SAMD3: variants seen among roughly 807,000 people sequenced by gnomAD.
SAMD3 encodes the protein sterile alpha motif domain-containing protein 3.
A neutral mutation model predicts 58.5 loss-of-function variants in SAMD3; 63 were observed. That is an observed-to-expected ratio of 1.08 (90% CI 0.88 to 1.33). SAMD3 has a LOEUF of 1.33. SAMD3 is among the 40% of genes most tolerant of loss of function. SAMD3 has a pLI of 0.00. For missense variants in SAMD3, 604 were observed against 608.4 expected, an observed-to-expected ratio of 0.99 and a Z score of 0.08; for synonymous variants, 220 against 210.3, an observed-to-expected ratio of 1.05 and a Z score of -0.40.
At chr6:130,325,206 G>T (rs1482689522) in intron 1 of SAMD3, among the ~76,000 whole-genome samples, 1 of 152,192 alleles carries the variant, frequency 6.6e-6, no homozygotes, top group Non-Finnish European at 1.5e-5. Flanking sequence ...AGATATGTAA[G>T]AAGGGATTTA....
chr6:130,214,291 G>A (rs1257547991), intron 4 of SAMD3, 46 bp downstream of exon 4: 1 of 1,455,210 alleles, frequency 6.9e-7, no homozygotes, highest in Non-Finnish European at 9.1e-7. Flanking sequence ...GCCATCATTG[G>A]GAAAGCTTGG....
intron 9 of SAMD3, among the ~76,000 whole-genome samples, chr6:130,148,847 A>G (rs1412196827): frequency 1.4e-4 from 3 of 20,820 alleles, no homozygotes; most frequent in Non-Finnish European, 3.8e-4. Context: ...CAGCCTGGAC[A>G]ACAGAGAGAC....
chr6:130,273,582 G>C (rs1293508301), intron 2 of SAMD3, among the ~76,000 whole-genome samples: 2 of 149,724 alleles, frequency 1.3e-5, no homozygotes, highest in East Asian at 4.0e-4. Flanking sequence ...TCCTCTTGAT[G>C]CTTTTCTTGG....
intron 2 of SAMD3, among the ~76,000 whole-genome samples, chr6:130,242,726 T>C (rs1773405295): frequency 6.6e-6 from 1 of 152,146 alleles, no homozygotes; most frequent in South Asian, 2.1e-4. Context: ...CTCCCTCTGC[T>C]CAAATCAGGA....
intron 2 of SAMD3, among the ~76,000 whole-genome samples, chr6:130,280,132 G>A (rs190809669): frequency 1.3e-5 from 2 of 152,078 alleles, no homozygotes; most frequent in East Asian, 3.9e-4. Context: ...TTTTTCACTA[G>A]CTACTTCTAC....
rs1237599762 is a variant in SAMD3 at position 130,236,550 on chromosome 6, A to C, written c.-187-13737T>G. On this transcript the variant is annotated intron_variant, in intron 2 of 13. Transcript: ENST00000368134. Reference sequence around the variant, plus strand: ...AGGCGCCCACCACCGCACCCGGCTAATTTTTGTGTTTTTAGTAGAGATGAG... The same window carrying C: ...AGGCGCCCACCACCGCACCCGGCTACTTTTTGTGTTTTTAGTAGAGATGAG... Among the ~76,000 whole-genome samples, 3 of 152,044 alleles carry C rather than the reference A, an allele frequency of 2.0e-5. No individual in the cohort carries two copies. In the East Asian group the frequency reaches 5.8e-4, roughly 29 times the overall value.
intron 2 of SAMD3, among the ~76,000 whole-genome samples, chr6:130,269,262 G>A (rs1428974678): frequency 1.3e-5 from 2 of 152,048 alleles, no homozygotes; most frequent in Non-Finnish European, 2.9e-5. Context: ...AAAATCATTG[G>A]GTATATTCAT....
chr6:130,142,947 A>AAAT (rs1412296952), downstream of SAMD3: 3 of 152,256 alleles, frequency 2.0e-5, no homozygotes, highest in African/African-American at 7.2e-5. Flanking sequence ...GAAAGGGAAG[A>AAAT]AATGATTACT....
At chr6:130,275,302 C>T (rs75618663) in intron 2 of SAMD3, among the ~76,000 whole-genome samples, 4,840 of 152,148 alleles carry the variant, frequency 0.032, 242 homozygotes, top group African/African-American at 0.11. Context: ...GTCCCATTAT[C>T]AGCATTTTAA....
intron 1 of SAMD3, among the ~76,000 whole-genome samples, chr6:130,343,424 T>C (rs1305929794): frequency 1.3e-5 from 2 of 152,130 alleles, no homozygotes; most frequent in African/African-American, 2.4e-5. Context: ...ATCTCTGCAG[T>C]ATTGTAAGAA....
At chr6:130,334,244 G>A (rs987159625) in intron 1 of SAMD3, among the ~76,000 whole-genome samples, 1 of 152,122 alleles carries the variant, frequency 6.6e-6, no homozygotes, top group African/African-American at 2.4e-5. Context: ...GAAGAGAGGA[G>A]GAGGGAAACA....
chr6:130,271,641 C>T (rs1204410147), intron 2 of SAMD3, among the ~76,000 whole-genome samples: 2 of 152,148 alleles, frequency 1.3e-5, no homozygotes, highest in African/African-American at 2.4e-5. Flanking sequence ...CTTTCTCCCT[C>T]AGCAGATTTT....
intron 5 of SAMD3, among the ~76,000 whole-genome samples, chr6:130,189,261 A>G (rs1793304320): frequency 6.6e-6 from 1 of 152,184 alleles, no homozygotes; most frequent in Non-Finnish European, 1.5e-5. Context: ...TGAAATCATA[A>G]GGTTGGGCCC....
intron 1 of SAMD3, among the ~76,000 whole-genome samples, chr6:130,331,685 C>T (rs1338152257): frequency 6.6e-6 from 1 of 152,184 alleles, no homozygotes; most frequent in African/African-American, 2.4e-5. Flanking sequence ...CACCATTGCA[C>T]TCCAGTCTGG....
chr6:130,296,198 G>T (rs1379305436), intron 2 of SAMD3, among the ~76,000 whole-genome samples: 2 of 152,250 alleles, frequency 1.3e-5, no homozygotes, highest in African/African-American at 4.8e-5. Flanking sequence ...GACACTGGAT[G>T]TCAGTTCTCC....
chr6:130,251,201 A>G (rs1447260020), intron 2 of SAMD3, among the ~76,000 whole-genome samples: 4 of 152,024 alleles, frequency 2.6e-5, no homozygotes, highest in African/African-American at 4.8e-5. Flanking sequence ...ACATCTCTGT[A>G]TGCATCTATG....
intron 2 of SAMD3, among the ~76,000 whole-genome samples, chr6:130,296,268 G>A (rs1213565120): frequency 6.6e-6 from 1 of 152,206 alleles, no homozygotes; most frequent in Non-Finnish European, 1.5e-5. Context: ...TGAGAGAAGA[G>A]AACCAGGATC....
At chr6:130,346,306 G>C (rs1777448867) in intron 1 of SAMD3, among the ~76,000 whole-genome samples, 1 of 152,206 alleles carries the variant, frequency 6.6e-6, no homozygotes, top group South Asian at 2.1e-4. Context: ...AGGGGTCAGG[G>C]AATTCCCTTT....
chr6:130,270,385 G>A (rs74433756), intron 2 of SAMD3, among the ~76,000 whole-genome samples: 1,763 of 152,292 alleles, frequency 0.012, 9 homozygotes, highest in Non-Finnish European at 0.017. Flanking sequence ...GAGCCCCTGC[G>A]TCAGGCCAGG....
Sources: allele counts gnomAD v4.1 joint callset (sites outside exome capture counted in the v4.1 genomes callset), GRCh38; gene constraint gnomAD v4.1.1; transcripts MANE v1.5; gene names NCBI Gene and HGNC (gene_info 2026-07-23, HGNC 2026-07-21).